The following CDCA4 variants were observed in gnomAD, a reference collection of about 807,000 sequenced individuals.
The protein encoded by CDCA4 is cell division cycle associated 4, also known as cell division cycle-associated protein 4.
For synonymous variants in CDCA4, 130 were observed against 137.0 expected, an observed-to-expected ratio of 0.95 and a Z score of 0.36; for missense variants, 294 against 322.1, an observed-to-expected ratio of 0.91 and a Z score of 0.67.
At chr14:105,019,142 C>A (rs1010979412) in intron 1 of CDCA4, among the ~76,000 whole-genome samples, 2 of 152,160 alleles carry the variant, frequency 1.3e-5, no homozygotes, top group Non-Finnish European at 2.9e-5. Flanking sequence ...CAACTCCCAG[C>A]ACTGCCCTCA....
chr14:105,011,771 C>T lies in CDCA4; in HGVS notation c.159G>A (p.Glu53=). Residue 53 remains glutamate (E), a synonymous_variant, in exon 2 of 2, where the codon GAG becomes GAA. Coordinates refer to ENST00000336219, the MANE Select transcript of CDCA4 (RefSeq NM_017955.4). ...TGAGGACTGAGCGGCACAGGTTGGG[C>T]TCCACAAGCATGTGGCAAAGCTGCA... ...VKLQLCHMLV[E]PNLCRSVLIA... 6.2e-7 allele frequency: 1 copy of T among 1,613,692 alleles called. No individual in the cohort carries two copies. Among genetic ancestry groups the T allele is most frequent in the African/African-American group, 1.3e-5 (1 of 75,062 alleles).
Position 105,011,101 on chromosome 14 carries a change from A to G in CDCA4, c.*103T>C. The G allele has an allele frequency of 2.2e-6, 3 of 1,343,784 alleles. No individual in the cohort carries two copies. The highest frequency in any genetic ancestry group is 3.0e-6 in the Non-Finnish European group (3 of 1,000,292). 83.2% of individuals were successfully genotyped at this position (1,343,784 alleles called of 1,614,324 possible). On this transcript the variant is annotated 3_prime_UTR_variant, in exon 2 of 2. Transcript: ENST00000336219. ...CTGGGATTTCTCAGAATCAGCAGAC[A>G]GGGCAGCAAGGCTGGGCCGCTGGCG... is the stretch of plus-strand genomic sequence containing the variant.
chr14:105,019,358 A>G (rs1886166194), intron 1 of CDCA4, among the ~76,000 whole-genome samples: 1 of 152,158 alleles, frequency 6.6e-6, no homozygotes, highest in Non-Finnish European at 1.5e-5. Context: ...CCTTCACTAC[A>G]GCAGCAGTGG....
chr14:105,011,184 TGAG>T lies in CDCA4; in HGVS notation c.*17_*19del. 1 of 1,587,554 alleles carries T rather than the reference TGAG, an allele frequency of 6.3e-7. No homozygotes were observed. Among genetic ancestry groups the T allele is most frequent in the Non-Finnish European group, 8.6e-7 (1 of 1,166,496 alleles). ...CGTGTCAATGCGTCAGAGGCGGCTG[TGAG>T]CACTCAGGGCTCCTGCTCAGGTCTC... On this transcript the variant is annotated 3_prime_UTR_variant, in exon 2 of 2. Transcript: ENST00000336219.
At position 105,011,218 on chromosome 14, in the gene CDCA4, G is replaced by A. The variant is rs1203389397; in HGVS notation, c.712C>T (p.Leu238=). Residue 238 remains leucine (L), a synonymous_variant, in exon 2 of 2, where the codon CTG becomes TTG. Coordinates refer to ENST00000336219, the MANE Select transcript of CDCA4 (RefSeq NM_017955.4). ...LGELDHVVEI[L]VET is the part of the protein sequence containing the mutation. ...AGGGCTCCTGCTCAGGTCTCCACCA[G>A]GATCTCCACCACGTGGTCCAGCTCG... 1.2e-6 allele frequency: 2 copies of A among 1,609,696 alleles called. No individual in the cohort carries two copies. The highest frequency in any genetic ancestry group is 1.3e-5 in the African/African-American group (1 of 74,784).
chr14:105,018,896 C>G (rs1377566885), intron 1 of CDCA4, among the ~76,000 whole-genome samples: 1 of 151,942 alleles, frequency 6.6e-6, no homozygotes, highest in Non-Finnish European at 1.5e-5. Flanking sequence ...GCCACCACAC[C>G]CGGCTAATTT....
At chr14:105,014,362 T>C (rs569303467) in intron 1 of CDCA4, among the ~76,000 whole-genome samples, 1 of 152,184 alleles carries the variant, frequency 6.6e-6, no homozygotes, top group Non-Finnish European at 1.5e-5. Context: ...AACACTGCTC[T>C]GCAACCTCCC....
chr14:105,017,261 G>A (rs1478921346), intron 1 of CDCA4, among the ~76,000 whole-genome samples: 1 of 151,912 alleles, frequency 6.6e-6, no homozygotes, highest in Non-Finnish European at 1.5e-5. Flanking sequence ...CGCCCAGGCT[G>A]GAGTGCAGTG....
chr14:105,019,416 G>C (rs1332098785), intron 1 of CDCA4, among the ~76,000 whole-genome samples: 1 of 152,236 alleles, frequency 6.6e-6, no homozygotes, highest in Admixed American at 6.5e-5. Context: ...TGAAAACGCA[G>C]ATTCCCAGAT....
intron 1 of CDCA4, among the ~76,000 whole-genome samples, chr14:105,012,591 C>G (rs574236322): frequency 6.6e-6 from 1 of 152,368 alleles, no homozygotes; most frequent in South Asian, 2.1e-4. Flanking sequence ...GTATGCTCAT[C>G]CCATGCAGCG....
At position 105,011,330 on chromosome 14, in the gene CDCA4, C is replaced by T. The variant is rs766831729; in HGVS notation, c.600G>A (p.Gly200=). Residue 200 remains glycine (G), a synonymous_variant, in exon 2 of 2, where the codon GGG becomes GGA. Transcript: ENST00000336219. ...CTTCGCAGGGGCCCGGCCTGGCACCCCCCATCATGCCTGTCAGTACTGTGT... is the reference window on the plus strand; with the variant it reads ...CTTCGCAGGGGCCCGGCCTGGCACCTCCCATCATGCCTGTCAGTACTGTGT... The part of the protein sequence containing the change: ...DLDTVLTGMM[G]GARPGPCEGL... 1.9e-6 allele frequency: 3 copies of T among 1,614,070 alleles called. No individual in the cohort carries two copies. The highest frequency in any genetic ancestry group is 2.5e-6 in the Non-Finnish European group (3 of 1,180,034).
intron 1 of CDCA4, among the ~76,000 whole-genome samples, chr14:105,012,170 A>G (rs1349481298): frequency 6.6e-6 from 1 of 152,236 alleles, no homozygotes; most frequent in Non-Finnish European, 1.5e-5. Flanking sequence ...CGTTGTTAGA[A>G]ACGACAAACC....
intron 1 of CDCA4, among the ~76,000 whole-genome samples, chr14:105,016,757 C>T (rs113361148): frequency 2.0e-4 from 30 of 152,328 alleles, no homozygotes; most frequent in African/African-American, 7.2e-4. Context: ...AAATGGGATC[C>T]CACAGCAAGC....
At chr14:105,014,665 T>C (rs1566939001) in intron 1 of CDCA4, among the ~76,000 whole-genome samples, 1 of 152,240 alleles carries the variant, frequency 6.6e-6, no homozygotes, top group Non-Finnish European at 1.5e-5. Context: ...TCCCAATCCA[T>C]TGTTTAAATC....
At chr14:105,018,789 T>C (rs545011615) in intron 1 of CDCA4, among the ~76,000 whole-genome samples, 1 of 150,956 alleles carries the variant, frequency 6.6e-6, no homozygotes, top group Non-Finnish European at 1.5e-5. Context: ...CAGGCTGGAG[T>C]GCAGTGATGC....
Position 105,011,588 on chromosome 14 carries a change from A to G in CDCA4, c.342T>C (p.Ala114=), listed in dbSNP as rs1900503778. The G allele has an allele frequency of 6.2e-7, 1 of 1,613,800 alleles. No homozygotes were observed. Among genetic ancestry groups the G allele is most frequent in the Non-Finnish European group, 8.5e-7 (1 of 1,180,022 alleles). ...GTGTGTGGCCGTCCCCCAAGCCAGG[A>G]GCAGGATGTGCCCCCTCTTGCCCCC... ...AAWGQEGAHP[A]PGLGDGHTQG... is the part of the protein sequence containing the mutation. The change falls in exon 2 of 2, where the codon GCT becomes GCC. Residue 114 remains alanine (A), a synonymous_variant. Coordinates refer to ENST00000336219, the MANE Select transcript of CDCA4 (RefSeq NM_017955.4).
intron 1 of CDCA4, among the ~76,000 whole-genome samples, chr14:105,018,230 T>C (rs1289300501): frequency 1.3e-5 from 2 of 151,064 alleles, no homozygotes; most frequent in Non-Finnish European, 3.0e-5. Flanking sequence ...CGAGAGATAA[T>C]CCCCATCATC....
At position 105,010,998 on chromosome 14, in the gene CDCA4, A is replaced by G. The variant is rs1323652692; in HGVS notation, c.*206T>C. 5 of 613,834 alleles carry G rather than the reference A, an allele frequency of 8.1e-6. No individual in the cohort carries two copies. The highest frequency in any genetic ancestry group is 1.4e-5 in the Non-Finnish European group (5 of 356,962). The allele number at this position is 613,834 out of a possible 1,614,324, so 38.0% of individuals were successfully genotyped here. On this transcript the variant is annotated 3_prime_UTR_variant, in exon 2 of 2. Transcript: ENST00000336219. ...CAGAAGACAAGAAGCCTTCCAGAAC[A>G]GCCTCTGCCTGGCGCTCCACAGGGG...
rs776241980 is a variant in CDCA4, at chr14:105,011,249, G to C, written c.681C>G (p.Asp227Glu). 17 of 1,613,338 alleles carry C rather than the reference G, an allele frequency of 1.1e-5. No homozygotes were observed. In the Admixed American group the frequency reaches 2.7e-4, roughly 25 times the overall value. The change falls in exon 2 of 2, where the codon GAC becomes GAG. Residue 227 changes from aspartate (D) to glutamate (E), a missense_variant. By Grantham distance (45) the Asp-to-Glu change is conservative. Transcript: ENST00000336219. Reference sequence around the variant, plus strand: ...CCACCACGTGGTCCAGCTCGCCCAGGTCGGACTTGCAGCTGGAGCTAGGGC... The same window carrying C: ...CCACCACGTGGTCCAGCTCGCCCAGCTCGGACTTGCAGCTGGAGCTAGGGC... Reference protein sequence around the residue: ...TPGPSSSCKSDLGELDHVVEI... With the variant: ...TPGPSSSCKSELGELDHVVEI...
Sources: allele counts gnomAD v4.1 joint callset (sites outside exome capture counted in the v4.1 genomes callset), GRCh38; gene constraint gnomAD v4.1.1; transcripts MANE v1.5; gene names NCBI Gene and HGNC (gene_info 2026-07-23, HGNC 2026-07-21).